The following KCNH4 variants were observed in gnomAD, a reference collection of about 807,000 sequenced individuals.
KCNH4 encodes potassium voltage-gated channel subfamily H member 4, also known as voltage-gated delayed rectifier potassium channel KCNH4.
Under a neutral mutation model 90.7 loss-of-function variants are expected in KCNH4, and 33 were observed. The observed-to-expected ratio is 0.36, with a 90% CI of 0.28 to 0.49. The LOEUF (loss-of-function observed/expected upper bound fraction) is 0.49. Ranked by LOEUF, KCNH4 falls within the 20% of genes least tolerant of loss-of-function variation. The probability of loss-of-function intolerance (pLI) is 0.98; values close to 1 mark genes in which losing one functional copy is unlikely to be tolerated. For missense variants in KCNH4, 1,044 were observed against 1,387.1 expected (o/e 0.75, Z 3.93); for synonymous variants, 551 against 581.7 (o/e 0.95, Z 0.76).
chr17:42,158,558 G>A (rs2079724072), intron 16 of KCNH4, among the ~76,000 whole-genome samples: 2 of 134,674 alleles, frequency 1.5e-5, no homozygotes, highest in African/African-American at 5.6e-5. Context: ...TTTATAGGCT[G>A]GGTGCGGTGG....
At chr17:42,166,136 T>C (rs1185022855) in intron 10 of KCNH4, among the ~76,000 whole-genome samples, 161 bp downstream of exon 10, 3 of 151,878 alleles carry the variant, frequency 2.0e-5, no homozygotes, top group Admixed American at 6.6e-5. Flanking sequence ...CTAAAGGCGA[T>C]GGTCGTAGGG....
intron 9 of KCNH4, among the ~76,000 whole-genome samples, chr17:42,166,786 A>G (rs1423228072): frequency 6.6e-6 from 1 of 152,150 alleles, no homozygotes. Context: ...CTGTGGCTAC[A>G]TGCTGGTCAC....
Position 42,178,371 on chromosome 17 carries a change from T to C in KCNH4, c.417A>G (p.Pro139=). 1 of 1,614,252 alleles carries C rather than the reference T, an allele frequency of 6.2e-7. No homozygotes were observed. The highest frequency in any genetic ancestry group is 8.5e-7 in the Non-Finnish European group (1 of 1,180,040). Residue 139 remains proline, a synonymous_variant, in exon 3 of 17, where the codon CCA becomes CCG. Coordinates refer to ENST00000264661, the MANE Select transcript of KCNH4 (RefSeq NM_012285.3). The stretch of plus-strand genomic sequence containing the variant: ...CGCGGCCTCCTTGGGGGCCAAGTCC[T>C]GGGCTTCCACTCTGAGTGATATCCT... ...SFKDITQSGS[P]GLGPQGGRGD... is the part of the protein sequence containing the mutation.
chr17:42,178,693 G>A, intron 2 of KCNH4, 100 bp downstream of exon 2: 1 of 1,198,966 alleles, frequency 8.3e-7, no homozygotes, highest in South Asian at 1.4e-5. Flanking sequence ...TCAGCTTTTG[G>A]CAGTGTGGGG....
chr17:42,169,352 T>C, intron 9 of KCNH4, 125 bp downstream of exon 9: 1 of 878,328 alleles, frequency 1.1e-6, no homozygotes, highest in Non-Finnish European at 1.8e-6. Context: ...AGTGCTGGGA[T>C]TACAGGTGTG....
chr17:42,175,173 A>T (rs760051050), intron 6 of KCNH4, among the ~76,000 whole-genome samples: 9 of 151,982 alleles, frequency 5.9e-5, no homozygotes, highest in Non-Finnish European at 8.8e-5. Flanking sequence ...CTGCCCCCTC[A>T]CCAGTTTGGC....
In KCNH4 at chr17:42,163,157, T is replaced by C; in HGVS notation, c.2584+71A>G. 1 of 1,064,448 alleles carries C rather than the reference T, an allele frequency of 9.4e-7. No homozygotes were observed. The highest frequency in any genetic ancestry group is 1.5e-6 in the Non-Finnish European group (1 of 682,448). The allele number at this position is 1,064,448 out of a possible 1,614,324, so 65.9% of individuals were successfully genotyped here. A position where few individuals can be genotyped will look rare whatever the true frequency, so the allele number is the denominator to read the frequency against. ...CACCTGGCACATGGTAGGCCCCTAC[T>C]ACATATGGGATGGATGGACAGGTGG... On this transcript the variant is annotated intron_variant, in intron 14 of 16. Transcript: ENST00000264661. The surrounding 1 kb of genome is among the most constrained non-coding windows in gnomAD (Gnocchi z 5.4).
Position 42,160,064 on chromosome 17 carries a change from C to T in KCNH4, c.3030G>A (p.Gln1010=). 1 of 1,545,226 alleles carries T rather than the reference C, an allele frequency of 6.5e-7. No homozygotes were observed. Among genetic ancestry groups the T allele is most frequent in the Non-Finnish European group, 8.7e-7 (1 of 1,143,638 alleles). ...PTPSLLRHSF[Q]SRSDTFH Reference sequence around the variant, plus strand: ...GTCAGTGGAACGTGTCTGACCTGGACTGGAAACTGTGCCTCAAGAGGCTTG... The same window carrying T: ...GTCAGTGGAACGTGTCTGACCTGGATTGGAAACTGTGCCTCAAGAGGCTTG... Residue 1010 remains glutamine, a synonymous_variant, in exon 16 of 17, where the codon CAG becomes CAA. Transcript: ENST00000264661.
Position 42,176,118 on chromosome 17 carries a change from G to A in KCNH4, c.765C>T (p.Asp255=). ...PYNVCFSGDD[D]TPITSRHTLV... Reference sequence around the variant, plus strand: ...GGGTGTGTCGCGAAGTGATGGGGGTGTCATCGTCACCCGAGAAACAGACAT... The same window carrying A: ...GGGTGTGTCGCGAAGTGATGGGGGTATCATCGTCACCCGAGAAACAGACAT... The change falls in exon 5 of 17, where the codon GAC becomes GAT. Residue 255 remains aspartate (D), a synonymous_variant. Transcript: ENST00000264661. 1 of 1,613,924 alleles carries A rather than the reference G, an allele frequency of 6.2e-7. No homozygotes were observed. The highest frequency in any genetic ancestry group is 8.5e-7 in the Non-Finnish European group (1 of 1,179,902).
intron 1 of KCNH4, among the ~76,000 whole-genome samples, chr17:42,179,274 C>T (rs566253693): frequency 2.0e-5 from 3 of 152,304 alleles, no homozygotes; most frequent in South Asian, 2.1e-4. Context: ...CCCAGGAGGT[C>T]ATGCCATCCA....
intron 4 of KCNH4, among the ~76,000 whole-genome samples, chr17:42,176,507 T>TA (rs2079862720): frequency 8.1e-6 from 1 of 124,118 alleles, no homozygotes; most frequent in African/African-American, 3.0e-5. Flanking sequence ...CAGGCCCTCC[T>TA]CCTTTTTTTT....
At chr17:42,172,408 G>A (rs745824531) in intron 6 of KCNH4, among the ~76,000 whole-genome samples, 10 of 151,902 alleles carry the variant, frequency 6.6e-5, no homozygotes, top group Middle Eastern at 3.4e-3. Flanking sequence ...TCCTGACCCC[G>A]TGATCCACCT....
At chr17:42,178,592 A>C in intron 2 of KCNH4, 115 bp from the exon 3 acceptor site, 1 of 1,346,426 alleles carries the variant, frequency 7.4e-7, no homozygotes, top group Non-Finnish European at 1.0e-6. Flanking sequence ...CAAGAACCAA[A>C]AGGAACCTCA....
intron 6 of KCNH4, among the ~76,000 whole-genome samples, chr17:42,172,554 CACACACACACACA>C (rs2079834766): frequency 6.6e-6 from 1 of 150,922 alleles, no homozygotes; most frequent in African/African-American, 2.4e-5. Flanking sequence ...CACACACACA[CACACACACACACA>C]CACACACACA....
intron 9 of KCNH4, among the ~76,000 whole-genome samples, chr17:42,166,982 C>T (rs2079792761): frequency 6.6e-6 from 1 of 152,164 alleles, no homozygotes; most frequent in African/African-American, 2.4e-5. Flanking sequence ...ACCATGGGCA[C>T]TACCAATGAC....
rs1429561676 is a variant in KCNH4 at position 42,171,775 on chromosome 17, G to T, written c.1195+13C>A. 1.2e-6 allele frequency: 2 copies of T among 1,614,004 alleles called. No individual in the cohort carries two copies. The highest frequency in any genetic ancestry group is 1.7e-5 in the Admixed American group (1 of 60,020). ...GACAGGTGGTCTGTGAAAGTTTGGG[G>T]TCGGTGGCTCACCAATGTCCCAGAG... is the stretch of plus-strand genomic sequence containing the variant. On this transcript the variant is annotated intron_variant, in intron 7 of 16. Transcript: ENST00000264661.
chr17:42,159,177 G>A (rs2079728415), intron 16 of KCNH4, among the ~76,000 whole-genome samples: 1 of 151,990 alleles, frequency 6.6e-6, no homozygotes, highest in South Asian at 2.1e-4. Context: ...ACAGGCATGT[G>A]CCACCATGCC....
intron 15 of KCNH4, 38 bp from the exon 16 acceptor site, chr17:42,160,473 A>G (rs755155322): frequency 1.3e-6 from 2 of 1,541,498 alleles, no homozygotes; most frequent in Non-Finnish European, 1.8e-6. Flanking sequence ...CAGGTGCCAC[A>G]GTAATAACAA....
rs932581197 is a variant in KCNH4 at position 42,163,938 on chromosome 17, G to A, written c.2145C>T (p.Gly715=). Residue 715 remains glycine (G), a synonymous_variant, in exon 13 of 17, where the codon GGC becomes GGT. Coordinates refer to ENST00000264661, the MANE Select transcript of KCNH4 (RefSeq NM_012285.3). This position sits in a 1 kb window ranked among gnomAD's most constrained non-coding sequence, Gnocchi z 5.4. ...RLSQPRSESL[G]SSSDKTLPSI... is the part of the protein sequence containing the mutation. ...ATGGCAGCGTCTTGTCTGAGGAGGAGCCGAGGCTTTCTGAGCGGGGCTGCG... is the reference window on the plus strand; with the variant it reads ...ATGGCAGCGTCTTGTCTGAGGAGGAACCGAGGCTTTCTGAGCGGGGCTGCG... The A allele has an allele frequency of 6.5e-7, 1 of 1,543,914 alleles. No homozygotes were observed. Among genetic ancestry groups the A allele is most frequent in the South Asian group, 1.2e-5 (1 of 83,458 alleles).
Sources: allele counts gnomAD v4.1 joint callset (sites outside exome capture counted in the v4.1 genomes callset), GRCh38; gene constraint gnomAD v4.1.1; non-coding constraint Gnocchi (gnomAD v3.1); transcripts MANE v1.5; gene names NCBI Gene and HGNC (gene_info 2026-07-23, HGNC 2026-07-21).